The following ZNF385D variants were observed in gnomAD, a reference collection of about 807,000 sequenced individuals.
The protein encoded by ZNF385D is zinc finger protein 659.
In ZNF385D, 15 loss-of-function variants were observed where a neutral mutation model predicts 35.8. The observed-to-expected ratio is 0.42, with a 90% CI of 0.28 to 0.64. ZNF385D has a LOEUF of 0.64. Among genes scored for constraint, ZNF385D ranks in the 30% least tolerant of loss-of-function variants. ZNF385D has a pLI of 0.23. For synonymous variants in ZNF385D, 212 were observed against 186.8 expected (o/e 1.13, Z -1.10); for missense variants, 474 against 494.6 (o/e 0.96, Z 0.39).
rs71266438 is a variant in ZNF385D at position 21,610,778 on chromosome 3, C to CA, written c.166-46095dup. ...CGACAGAGCGAGACTCCGTCCCCCC[C>CA]AAAAAAAAAAAACAATAGTCATGTG... On this transcript the variant is annotated intron_variant, in intron 2 of 7. Coordinates refer to ENST00000281523, the MANE Select transcript of ZNF385D (RefSeq NM_024697.3). Among the ~76,000 whole-genome samples the CA allele has an allele frequency of 3.5e-3, 440 of 126,554 alleles. 1 individual carries two copies. Among genetic ancestry groups the CA allele is most frequent in the Middle Eastern group, 7.8e-3 (2 of 258 alleles). 83.0% of individuals were successfully genotyped at this position (126,554 alleles called of 152,430 possible). A position where few individuals can be genotyped will look rare whatever the true frequency, so the allele number is the denominator to read the frequency against.
intron 3 of ZNF385D, among the ~76,000 whole-genome samples, chr3:22,087,560 G>A (rs955597630): frequency 5.3e-5 from 8 of 152,128 alleles, no homozygotes; most frequent in Non-Finnish European, 8.8e-5. Context: ...TTCTTGGACT[G>A]TGAGGTGGAA....
chr3:22,150,694 CTCATA>C (rs1705170425), intron 3 of ZNF385D, among the ~76,000 whole-genome samples: 2 of 152,090 alleles, frequency 1.3e-5, no homozygotes, highest in Admixed American at 1.3e-4. Flanking sequence ...TTGTCATCAA[CTCATA>C]TATGTCTTAA....
At chr3:22,038,247 G>A (rs978254653) in intron 3 of ZNF385D, among the ~76,000 whole-genome samples, 2 of 152,148 alleles carry the variant, frequency 1.3e-5, no homozygotes, top group South Asian at 2.1e-4. Flanking sequence ...ATTCAAGAAA[G>A]ATAAAAATGT....
intron 2 of ZNF385D, among the ~76,000 whole-genome samples, chr3:22,314,153 C>T (rs1703751563): frequency 6.6e-6 from 1 of 151,968 alleles, no homozygotes; most frequent in African/African-American, 2.4e-5. Context: ...TTTTGGAGAA[C>T]AGGTGGCAGT....
At chr3:21,811,323 A>G (rs2072912105) in intron 3 of ZNF385D, among the ~76,000 whole-genome samples, 1 of 152,088 alleles carries the variant, frequency 6.6e-6, no homozygotes, top group Non-Finnish European at 1.5e-5. Flanking sequence ...TTTTGGGAAA[A>G]TTGCTGAATT....
At chr3:21,830,162 A>G (rs1213943608) in intron 3 of ZNF385D, among the ~76,000 whole-genome samples, 1 of 152,158 alleles carries the variant, frequency 6.6e-6, no homozygotes, top group Non-Finnish European at 1.5e-5. Context: ...TCTAAGAAAA[A>G]GACTTGCATT....
chr3:22,258,836 A>G (rs984609556), intron 2 of ZNF385D, among the ~76,000 whole-genome samples: 3 of 151,792 alleles, frequency 2.0e-5, no homozygotes, highest in Non-Finnish European at 4.4e-5. Flanking sequence ...GAAAAATAGC[A>G]TTGTTTTATA....
At chr3:22,146,198 A>G (rs1364179805) in intron 3 of ZNF385D, among the ~76,000 whole-genome samples, 1 of 152,198 alleles carries the variant, frequency 6.6e-6, no homozygotes, top group Non-Finnish European at 1.5e-5. Flanking sequence ...GCAAAGTTTC[A>G]TTTGTACTTA....
intron 2 of ZNF385D, among the ~76,000 whole-genome samples, chr3:21,621,353 A>C (rs895289306): frequency 6.6e-6 from 1 of 152,144 alleles, no homozygotes; most frequent in African/African-American, 2.4e-5. Flanking sequence ...ATCAGTTACT[A>C]ATTAACATTC....
intron 2 of ZNF385D, among the ~76,000 whole-genome samples, chr3:22,228,048 A>C (rs992903616): frequency 2.0e-5 from 3 of 152,156 alleles, no homozygotes; most frequent in African/African-American, 7.2e-5. Flanking sequence ...GCATCATCCC[A>C]ACTATGAAGG....
chr3:22,178,726 A>C (rs1432894156), intron 2 of ZNF385D, among the ~76,000 whole-genome samples: 1 of 152,208 alleles, frequency 6.6e-6, no homozygotes, highest in Non-Finnish European at 1.5e-5. Flanking sequence ...TAGGTCTAAC[A>C]TGTAAGTCTT....
chr3:21,686,610 T>G (rs749798583), intron 1 of ZNF385D, among the ~76,000 whole-genome samples: 1 of 152,190 alleles, frequency 6.6e-6, no homozygotes, highest in African/African-American at 2.4e-5. Flanking sequence ...CTCTTTTTCA[T>G]GTACAAAGCC....
chr3:21,673,765 A>G (rs1169918381), intron 1 of ZNF385D, among the ~76,000 whole-genome samples: 2 of 152,166 alleles, frequency 1.3e-5, no homozygotes, highest in African/African-American at 4.8e-5. Context: ...TTTTGAACCA[A>G]GCACGCATAA....
At chr3:22,262,762 T>TAAAA (rs367931744) in intron 2 of ZNF385D, among the ~76,000 whole-genome samples, 1 of 150,962 alleles carries the variant, frequency 6.6e-6, no homozygotes. Context: ...TTTTGAGGAT[T>TAAAA]AAAAAAAAAG....
At chr3:21,878,311 G>A (rs992024631) in intron 3 of ZNF385D, among the ~76,000 whole-genome samples, 4 of 151,928 alleles carry the variant, frequency 2.6e-5, no homozygotes, top group Admixed American at 6.6e-5. Context: ...TAATTACTAT[G>A]AGATATTGTC....
intron 1 of ZNF385D, among the ~76,000 whole-genome samples, chr3:21,682,542 A>G (rs1235301188): frequency 6.7e-6 from 1 of 150,260 alleles, no homozygotes; most frequent in Non-Finnish European, 1.5e-5. Context: ...GGAAGAAAGG[A>G]CACATTTTCA....
At chr3:22,200,739 G>C (rs565999043) in intron 2 of ZNF385D, among the ~76,000 whole-genome samples, 1 of 151,896 alleles carries the variant, frequency 6.6e-6, no homozygotes, top group Non-Finnish European at 1.5e-5. Context: ...GGCCATGCCC[G>C]GGGGGACCGT....
intron 1 of ZNF385D, among the ~76,000 whole-genome samples, chr3:21,711,029 C>T (rs2068080044): frequency 7.9e-6 from 1 of 127,042 alleles, no homozygotes; most frequent in African/African-American, 3.3e-5. Context: ...ATTTCCTTAT[C>T]CCTCTAAAAG....
At chr3:21,657,773 A>G (rs2066116567) in intron 2 of ZNF385D, among the ~76,000 whole-genome samples, 1 of 152,020 alleles carries the variant, frequency 6.6e-6, no homozygotes, top group Non-Finnish European at 1.5e-5. Context: ...CTTAGTAAGA[A>G]TAGTTATTAA....
Sources: gnomAD v4.1 joint callset for allele counts (sites outside exome capture counted in the v4.1 genomes callset) on GRCh38, gnomAD v4.1.1 for gene constraint, MANE v1.5 for transcripts, NCBI Gene and HGNC (gene_info 2026-07-23, HGNC 2026-07-21) for gene names.